The following XPO1 variants were observed in gnomAD, a reference collection of about 807,000 sequenced individuals.
The protein encoded by XPO1 is exportin 1, also known as exportin-1.
In XPO1, 5 loss-of-function variants were observed where a neutral mutation model predicts 133.3. That is an observed-to-expected ratio of 0.04 (90% CI 0.02 to 0.08). XPO1 has a LOEUF of 0.08. XPO1 is among the 10% of genes least tolerant of loss of function. The probability of loss-of-function intolerance (pLI) is 1.00; values close to 1 mark genes in which losing one functional copy is unlikely to be tolerated. For missense variants in XPO1, 506 were observed against 1,267.5 expected (o/e 0.40, Z 9.12); for synonymous variants, 419 against 408.2 (o/e 1.03, Z -0.32).
intron 23 of XPO1, among the ~76,000 whole-genome samples, chr2:61,482,034 C>T (rs66667063): frequency 0.31 from 22,308 of 71,204 alleles, 4,652 homozygotes; most frequent in South Asian, 0.44. Flanking sequence ...CGTGCGTGGC[C>T]TTTTTTTTTT....
intron 24 of XPO1, among the ~76,000 whole-genome samples, chr2:61,479,950 T>TG (rs1472601078): frequency 6.6e-6 from 1 of 152,126 alleles, no homozygotes; most frequent in Non-Finnish European, 1.5e-5. Context: ...CTGAAACCTC[T>TG]GCCTCCTGGG....
chr2:61,521,808 T>C (rs1171667188), intron 4 of XPO1, among the ~76,000 whole-genome samples: 56 of 152,026 alleles, frequency 3.7e-4, no homozygotes, highest in Non-Finnish European at 1.5e-5. Context: ...CAGGCTAGAG[T>C]ACAGTGGCAC....
At chr2:61,489,221 C>T (rs187195539) in intron 17 of XPO1, among the ~76,000 whole-genome samples, 1 of 152,016 alleles carries the variant, frequency 6.6e-6, no homozygotes, top group Non-Finnish European at 1.5e-5. Flanking sequence ...CAAGACCAGC[C>T]TGACCAACAT....
chr2:61,483,904 A>C, intron 21 of XPO1, 33 bp downstream of exon 21: 1 of 1,601,416 alleles, frequency 6.2e-7, no homozygotes, highest in Non-Finnish European at 8.5e-7. Context: ...TTGGATTGGC[A>C]GGCAAATGAA....
chr2:61,526,467 T>A lies in XPO1; in HGVS notation c.181A>T (p.Thr61Ser). The A allele has an allele frequency of 6.2e-7, 1 of 1,609,600 alleles. No homozygotes were observed. The highest frequency in any genetic ancestry group is 2.2e-5 in the East Asian group (1 of 44,722). Residue 61 changes from threonine to serine, a missense_variant, in exon 3 of 25, where the codon ACA becomes TCA. By Grantham distance (58) the Thr-to-Ser change is moderately conservative. Around this residue, in one of 6 missense-constraint regions of XPO1, gnomAD observed 68 missense variants for 210.5 expected, o/e 0.32. Coordinates refer to ENST00000401558, the MANE Select transcript of XPO1 (RefSeq NM_003400.4). Reference sequence around the variant, plus strand: ...AATTCCAAAATTGTGTCGACTCTTGTCCAAGCATCAGGATGCTCCTTTAAA... The same window carrying A: ...AATTCCAAAATTGTGTCGACTCTTGACCAAGCATCAGGATGCTCCTTTAAA... ...THLKEHPDAW[T>S]RVDTILEFSQ...
intron 2 of XPO1, among the ~76,000 whole-genome samples, chr2:61,531,276 G>A (rs924023936): frequency 3.3e-5 from 5 of 152,086 alleles, no homozygotes; most frequent in Non-Finnish European, 7.4e-5. Context: ...TTATTTCTAC[G>A]CAACTGATTT....
intron 21 of XPO1, 44 bp from the exon 22 acceptor site, chr2:61,483,135 A>G: frequency 6.3e-7 from 1 of 1,582,524 alleles, no homozygotes; most frequent in Non-Finnish European, 8.6e-7. Flanking sequence ...ACAGACTGAC[A>G]GCACTCATGA....
At chr2:61,483,662 A>G (rs941436070) in intron 21 of XPO1, 1 of 307,016 alleles carries the variant, frequency 3.3e-6, no homozygotes, top group Non-Finnish European at 5.9e-6. Context: ...AGCTGATTCT[A>G]TATGAACTTC....
intron 21 of XPO1, chr2:61,483,714 A>T (rs924678960): frequency 2.1e-6 from 1 of 476,286 alleles, no homozygotes; most frequent in African/African-American, 2.0e-5. Context: ...TACGCAAACC[A>T]ATTATTACTA....
intron 21 of XPO1, 156 bp downstream of exon 21, chr2:61,483,779 AAC>A (rs1395477986): frequency 9.1e-6 from 7 of 767,096 alleles, no homozygotes; most frequent in Non-Finnish European, 1.4e-5. Context: ...AGTGGAGTGG[AAC>A]AGTTGATTAA....
Position 61,488,325 on chromosome 2 carries a change from T to C in XPO1, c.2207-54A>G, listed in dbSNP as rs779260346. On this transcript the variant is annotated intron_variant, in intron 18 of 24. Coordinates refer to ENST00000401558, the MANE Select transcript of XPO1 (RefSeq NM_003400.4). ...TTTTACCACTAAACTTATACAGTGG[T>C]ACTCAGGTGTACATTAGATGCAATT... The C allele has an allele frequency of 4.9e-4, 730 of 1,500,740 alleles. 1 individual carries two copies. Among genetic ancestry groups the C allele is most frequent in the Non-Finnish European group, 6.5e-4 (705 of 1,085,478 alleles). The allele number at this position is 1,500,740 out of a possible 1,614,324, so 93.0% of individuals were successfully genotyped here.
intron 4 of XPO1, among the ~76,000 whole-genome samples, chr2:61,515,391 T>G (rs568070257): frequency 2.6e-5 from 4 of 152,196 alleles, no homozygotes; most frequent in Non-Finnish European, 4.4e-5. Context: ...TTTGAGACTT[T>G]GTGGTGAAAA....
At chr2:61,531,823 A>C (rs1244479324) in intron 2 of XPO1, among the ~76,000 whole-genome samples, 2 of 152,200 alleles carry the variant, frequency 1.3e-5, no homozygotes, top group Non-Finnish European at 2.9e-5. Flanking sequence ...ATAAATACGG[A>C]TGGTTAATTT....
chr2:61,493,527 C>A, intron 12 of XPO1: 1 of 201,778 alleles, frequency 5.0e-6, no homozygotes, highest in Non-Finnish European at 1.0e-5. Flanking sequence ...AATTTTTTTT[C>A]ACTGTAATTC....
intron 23 of XPO1, among the ~76,000 whole-genome samples, chr2:61,481,759 GAC>G (rs1175995160): frequency 6.7e-6 from 1 of 149,558 alleles, no homozygotes; most frequent in East Asian, 2.0e-4. Flanking sequence ...TATTTTTTGA[GAC>G]AGTCTTGCTC....
Position 61,495,536 on chromosome 2 carries a change from G to A in XPO1, c.966C>T (p.Leu322=), listed in dbSNP as rs772509865. 1 of 1,595,432 alleles carries A rather than the reference G, an allele frequency of 6.3e-7. No homozygotes were observed. The highest frequency in any genetic ancestry group is 1.1e-5 in the South Asian group (1 of 88,460). ...KDDEQNFIQN[L]SLFLCTFLKE... The stretch of plus-strand genomic sequence containing the variant: ...TAAGAAAGGTGCAGAGAAACAAACT[G>A]AGATTTTGAATGAAGTTCTGTTCAT... Residue 322 remains leucine, a synonymous_variant, in exon 11 of 25, where the codon CTC becomes CTT. Coordinates refer to ENST00000401558, the MANE Select transcript of XPO1 (RefSeq NM_003400.4).
chr2:61,501,535 A>C (rs904491039), intron 6 of XPO1, among the ~76,000 whole-genome samples: 1 of 152,070 alleles, frequency 6.6e-6, no homozygotes, highest in African/African-American at 2.4e-5. Context: ...CAGCCTGGCC[A>C]ACATGGTGAA....
At position 61,496,902 on chromosome 2, in the gene XPO1, G is replaced by A. The variant is rs759530228; in HGVS notation, c.865C>T (p.Leu289=). The A allele has an allele frequency of 4.4e-6, 7 of 1,608,950 alleles. No homozygotes were observed. The South Asian group carries it at 5.6e-5, about 13-fold the overall frequency. Residue 289 remains leucine, a synonymous_variant, in exon 10 of 25, where the codon CTG becomes TTG. Coordinates refer to ENST00000401558, the MANE Select transcript of XPO1 (RefSeq NM_003400.4). Reference sequence around the variant, plus strand: ...ACCTGCTTTAGTTGCATCATTGTCAGAGTAAATAGTGTTACAAATTGTTCT... The same window carrying A: ...ACCTGCTTTAGTTGCATCATTGTCAAAGTAAATAGTGTTACAAATTGTTCT... ...YEEQFVTLFT[L]TMMQLKQMLP...
At chr2:61,518,413 AC>A (rs1698511062) in intron 4 of XPO1, among the ~76,000 whole-genome samples, 1 of 97,454 alleles carries the variant, frequency 1.0e-5, no homozygotes, top group African/African-American at 5.6e-5. Flanking sequence ...AAAACAAAAA[AC>A]AAAACACACA....
Sources: gnomAD v4.1 joint callset for allele counts (sites outside exome capture counted in the v4.1 genomes callset) on GRCh38, gnomAD v4.1.1 for gene constraint, gnomAD v4.1.1 regional missense constraint, MANE v1.5 for transcripts, NCBI Gene and HGNC (gene_info 2026-07-23, HGNC 2026-07-21) for gene names.